Variants in RYR2 observed in about 807,000 individuals in gnomAD.
The protein encoded by RYR2 is ryanodine receptor 2.
Under a neutral mutation model 601.1 loss-of-function variants are expected in RYR2, and 227 were observed. That is an observed-to-expected ratio of 0.38 (90% CI 0.34 to 0.42). RYR2 has a LOEUF of 0.42. Among genes scored for constraint, RYR2 ranks in the 10% least tolerant of loss-of-function variants. The probability of loss-of-function intolerance (pLI) is 1.00; values close to 1 mark genes in which losing one functional copy is unlikely to be tolerated. For synonymous variants in RYR2, 2,223 were observed against 2,175.1 expected (o/e 1.02, Z -0.61); for missense variants, 4,646 against 6,156.5 (o/e 0.75, Z 8.21).
At chr1:237,642,905 T>C (rs1681714259) in intron 47 of RYR2, among the ~76,000 whole-genome samples, 1 of 152,236 alleles carries the variant, frequency 6.6e-6, no homozygotes, top group Admixed American at 6.5e-5. Flanking sequence ...AGAAAGAAGC[T>C]AATTTGGTCA....
intron 27 of RYR2, among the ~76,000 whole-genome samples, chr1:237,557,341 G>A (rs1194831399): frequency 3.9e-5 from 6 of 152,202 alleles, no homozygotes; most frequent in Admixed American, 3.9e-4. Context: ...TTGAATGGAG[G>A]TGTACTCAAG....
At chr1:237,102,207 G>C (rs567638275) in intron 1 of RYR2, among the ~76,000 whole-genome samples, 6 of 152,160 alleles carry the variant, frequency 3.9e-5, no homozygotes, top group African/African-American at 1.4e-4. Context: ...ACAGACAGGT[G>C]GGGGGAGTGC....
At chr1:237,591,443 C>G (rs1051365015) in intron 31 of RYR2, among the ~76,000 whole-genome samples, 3 of 151,984 alleles carry the variant, frequency 2.0e-5, no homozygotes, top group African/African-American at 7.3e-5. Context: ...TATACTAAAT[C>G]AGAGTTTCTC....
intron 1 of RYR2, among the ~76,000 whole-genome samples, chr1:237,160,938 T>C (rs1033696563): frequency 1.3e-5 from 2 of 152,174 alleles, no homozygotes; most frequent in Non-Finnish European, 2.9e-5. Context: ...TCCTGGATTT[T>C]AAACCTATGA....
intron 27 of RYR2, among the ~76,000 whole-genome samples, chr1:237,561,706 T>C (rs1671473343): frequency 6.6e-6 from 1 of 152,176 alleles, no homozygotes. Context: ...GAAATGTGGA[T>C]AAATTTGTAT....
chr1:237,340,809 A>G (rs553506587), intron 3 of RYR2, among the ~76,000 whole-genome samples: 1 of 152,304 alleles, frequency 6.6e-6, no homozygotes, highest in Admixed American at 6.5e-5. Context: ...TGCAAAATTG[A>G]TGCAGTGATG....
At chr1:237,426,851 C>G (rs531319618) in intron 12 of RYR2, among the ~76,000 whole-genome samples, 2 of 152,030 alleles carry the variant, frequency 1.3e-5, no homozygotes, top group South Asian at 4.2e-4. Flanking sequence ...GCATTCCAGC[C>G]TGGGCAACAC....
chr1:237,641,471 G>GTCTGTCTTTCTT (rs1260670992), intron 47 of RYR2, among the ~76,000 whole-genome samples: 27 of 108,704 alleles, frequency 2.5e-4, no homozygotes, highest in East Asian at 6.7e-4. Flanking sequence ...GTGTCTGTCT[G>GTCTGTCTTTCTT]TCTTTCTTTC....
At chr1:237,326,177 C>T (rs1326633174) in intron 2 of RYR2, among the ~76,000 whole-genome samples, 1 of 152,036 alleles carries the variant, frequency 6.6e-6, no homozygotes, top group East Asian at 1.9e-4. Context: ...GCCAGCAAAG[C>T]CAGATGCTGC....
chr1:237,647,498 G>T (rs1682296766), intron 48 of RYR2, among the ~76,000 whole-genome samples: 1 of 152,168 alleles, frequency 6.6e-6, no homozygotes, highest in African/African-American at 2.4e-5. Context: ...CTTTCATCTA[G>T]TTTCCTTTAG....
chr1:237,627,572 A>G (rs996235647), intron 40 of RYR2, among the ~76,000 whole-genome samples: 1 of 152,232 alleles, frequency 6.6e-6, no homozygotes, highest in Non-Finnish European at 1.5e-5. Flanking sequence ...TTTAATTATA[A>G]GAATGATTTT....
chr1:237,753,018 C>T (rs535338818), intron 80 of RYR2, among the ~76,000 whole-genome samples: 1 of 152,310 alleles, frequency 6.6e-6, no homozygotes, highest in South Asian at 2.1e-4. Flanking sequence ...TAGATGGGCT[C>T]ATTTTGTATG....
At chr1:237,444,717 A>C (rs562627049) in intron 13 of RYR2, among the ~76,000 whole-genome samples, 1 of 152,160 alleles carries the variant, frequency 6.6e-6, no homozygotes, top group Non-Finnish European at 1.5e-5. Context: ...AGGAATGTTC[A>C]CTTGTGAAAA....
chr1:237,641,886 G>A lies in RYR2; in HGVS notation c.7221+884G>A, dbSNP rs145860054. On this transcript the variant is annotated intron_variant, in intron 47 of 104. Coordinates refer to ENST00000366574, the MANE Select transcript of RYR2 (RefSeq NM_001035.3). ...ACTTTTTGACCCAAATGAAATTAAA[G>A]TTTCGTGGAATAATACTTTTACTCT... Among the ~76,000 whole-genome samples, 400 of 152,204 alleles carry A rather than the reference G, an allele frequency of 2.6e-3. 1 individual carries two copies. The highest frequency in any genetic ancestry group is 8.8e-3 in the African/African-American group (365 of 41,544).
chr1:237,727,499 T>C (rs1690297921), intron 76 of RYR2, among the ~76,000 whole-genome samples: 1 of 152,116 alleles, frequency 6.6e-6, no homozygotes, highest in South Asian at 2.1e-4. Context: ...TCTGAATCAT[T>C]CTTTGGCATC....
chr1:237,503,788 A>C (rs1664916784), intron 22 of RYR2, among the ~76,000 whole-genome samples: 1 of 151,916 alleles, frequency 6.6e-6, no homozygotes, highest in Non-Finnish European at 1.5e-5. Context: ...GCTCGCTGCA[A>C]CCTCTGCCTC....
At chr1:237,410,443 GATTAAA>G (rs2149995551) in intron 10 of RYR2, among the ~76,000 whole-genome samples, 1 of 152,100 alleles carries the variant, frequency 6.6e-6, no homozygotes, top group South Asian at 2.1e-4. Context: ...CTTTCTCTGA[GATTAAA>G]ATGACCAATA....
In RYR2 at chr1:237,614,837, A is replaced by G. The variant is rs1678289690; in HGVS notation, c.5709A>G (p.Lys1903=). 6.4e-7 allele frequency: 1 copy of G among 1,564,122 alleles called. No homozygotes were observed. Among genetic ancestry groups the G allele is most frequent in the South Asian group, 1.2e-5 (1 of 81,722 alleles). Residue 1903 remains lysine (K), a synonymous_variant, in exon 37 of 105, where the codon AAA becomes AAG. Transcript: ENST00000366574. This position sits in a 1 kb window ranked among gnomAD's most constrained non-coding sequence, Gnocchi z 4.3. ...AAATGAAACTGCCAGAGCCAGTTAAATTGCAGGTAATCAGAACAAGAGACT... is the reference window on the plus strand; with the variant it reads ...AAATGAAACTGCCAGAGCCAGTTAAGTTGCAGGTAATCAGAACAAGAGACT... ...LLQMKLPEPV[K]LQMCLLLQYL...
At chr1:237,481,267 T>G (rs1311892814) in intron 17 of RYR2, among the ~76,000 whole-genome samples, 2 of 152,042 alleles carry the variant, frequency 1.3e-5, no homozygotes, top group Non-Finnish European at 2.9e-5. Context: ...CTTTTTTCTT[T>G]TCTTTCTGAT....
Sources: gnomAD v4.1 joint callset for allele counts (sites outside exome capture counted in the v4.1 genomes callset) on GRCh38, gnomAD v4.1.1 for gene constraint, Gnocchi (gnomAD v3.1) non-coding constraint, MANE v1.5 for transcripts, NCBI Gene and HGNC (gene_info 2026-07-23, HGNC 2026-07-21) for gene names.